Variants in DIP2C observed in about 807,000 individuals in gnomAD.
The protein encoded by DIP2C is disco-interacting protein 2 homolog C.
In DIP2C, 33 loss-of-function variants were observed where a neutral mutation model predicts 192.4. The observed-to-expected ratio is 0.17, with a 90% CI of 0.13 to 0.23. DIP2C has a LOEUF of 0.23. DIP2C is among the 10% of genes least tolerant of loss of function. The probability of loss-of-function intolerance (pLI) is 1.00; values close to 1 mark genes in which losing one functional copy is unlikely to be tolerated. For missense variants in DIP2C, 1,537 were observed against 2,110.1 expected (o/e 0.73, Z 5.32); for synonymous variants, 979 against 864.1 (o/e 1.13, Z -2.33).
Position 355,993 on chromosome 10 carries a change from T to C in DIP2C, c.2985+433A>G, listed in dbSNP as rs1397367600. ...CTACCCGGAGGCTGATGCACGAGAA[T>C]TGCTTCAACCAGGGAGGTGGAGGTT... is the stretch of plus-strand genomic sequence containing the variant. On this transcript the variant is annotated intron_variant, in intron 24 of 36. Coordinates refer to ENST00000280886, the MANE Select transcript of DIP2C (RefSeq NM_014974.3). Among the ~76,000 whole-genome samples, 7 of 152,158 alleles carry C rather than the reference T, an allele frequency of 4.6e-5. No homozygotes were observed. The East Asian group carries it at 9.6e-4, about 21-fold the overall frequency.
chr10:489,387 A>G lies in DIP2C; in HGVS notation c.86-2857T>C, dbSNP rs552578925. On this transcript the variant is annotated intron_variant, in intron 1 of 36. Transcript: ENST00000280886. ...GTGACAGGTAGATAATAGATGATGC[A>G]TATAGACAGACGACAGAGATGATGG... Among the ~76,000 whole-genome samples, 27 of 152,366 alleles carry G rather than the reference A, an allele frequency of 1.8e-4. No individual in the cohort carries two copies. In the South Asian group the frequency reaches 5.2e-3, roughly 29 times the overall value.
chr10:680,507 G>A (rs1221504232), intron 1 of DIP2C, among the ~76,000 whole-genome samples: 1 of 151,668 alleles, frequency 6.6e-6, no homozygotes, highest in Non-Finnish European at 1.5e-5. Context: ...CAAACAACCT[G>A]CTTAGGATGA....
At chr10:443,284 C>A (rs1967896573) in intron 3 of DIP2C, among the ~76,000 whole-genome samples, 1 of 152,220 alleles carries the variant, frequency 6.6e-6, no homozygotes, top group African/African-American at 2.4e-5. Context: ...TCTACATTCA[C>A]TTAAAAATAT....
chr10:430,761 G>A (rs1283353690), intron 4 of DIP2C, among the ~76,000 whole-genome samples: 1 of 152,148 alleles, frequency 6.6e-6, no homozygotes, highest in Non-Finnish European at 1.5e-5. Context: ...AAAGTCACTA[G>A]ATTTTTACCT....
intron 1 of DIP2C, among the ~76,000 whole-genome samples, chr10:683,083 C>T (rs1317754863): frequency 1.3e-5 from 2 of 152,178 alleles, no homozygotes; most frequent in Admixed American, 6.5e-5. Flanking sequence ...CAACATACCC[C>T]GCAGCCCAAA....
In DIP2C at chr10:403,932, C is replaced by T. The variant is rs1178522227; in HGVS notation, c.1150-4713G>A. On this transcript the variant is annotated intron_variant, in intron 9 of 36. Coordinates refer to ENST00000280886, the MANE Select transcript of DIP2C (RefSeq NM_014974.3). ...TCAGCACATGAATCCTGTGATTTTA[C>T]ACGTGTGGTGGCATTAGCATTACTC... Among the ~76,000 whole-genome samples the T allele has an allele frequency of 4.2e-5, 4 of 94,216 alleles. 2 individuals carry two copies. The highest frequency in any genetic ancestry group is 1.6e-4 in the African/African-American group (4 of 24,302). 61.8% of individuals were successfully genotyped at this position (94,216 alleles called of 152,430 possible). A position where few individuals can be genotyped will look rare whatever the true frequency, so the allele number is the denominator to read the frequency against.
At chr10:647,574 A>C (rs1239340329) in intron 1 of DIP2C, among the ~76,000 whole-genome samples, 6 of 150,322 alleles carry the variant, frequency 4.0e-5, no homozygotes, top group Non-Finnish European at 7.4e-5. Flanking sequence ...CCACGTCCAC[A>C]TTTGACGGTG....
intron 1 of DIP2C, among the ~76,000 whole-genome samples, chr10:628,404 C>T (rs570637056): frequency 2.0e-5 from 3 of 152,380 alleles, no homozygotes; most frequent in African/African-American, 7.2e-5. Flanking sequence ...AGCATGTTTA[C>T]AGCCATTTAC....
chr10:578,210 G>T (rs530602941), intron 1 of DIP2C, among the ~76,000 whole-genome samples: 1 of 152,038 alleles, frequency 6.6e-6, no homozygotes, highest in East Asian at 1.9e-4. Context: ...CATTTTCAAC[G>T]TTAACAAAGA....
intron 1 of DIP2C, among the ~76,000 whole-genome samples, chr10:639,943 C>T (rs964693434): frequency 3.3e-5 from 5 of 152,188 alleles, no homozygotes; most frequent in African/African-American, 9.7e-5. Context: ...GACCACGCGG[C>T]ATCTGCTGGG....
At chr10:663,256 G>T in intron 1 of DIP2C, 2 of 255,088 alleles carry the variant, frequency 7.8e-6, no homozygotes, top group Middle Eastern at 2.3e-3. Flanking sequence ...TACAAGGGAA[G>T]GCTGAGATCA....
chr10:421,900 G>A (rs964296610), intron 5 of DIP2C, among the ~76,000 whole-genome samples: 7 of 152,198 alleles, frequency 4.6e-5, no homozygotes, highest in Admixed American at 6.5e-5. Flanking sequence ...CTCAGTGAGC[G>A]ACCAAGGGGC....
intron 1 of DIP2C, among the ~76,000 whole-genome samples, chr10:550,934 G>C (rs1022651527): frequency 1.3e-5 from 2 of 152,100 alleles, no homozygotes; most frequent in African/African-American, 2.4e-5. Context: ...CCCGGGCCTC[G>C]GTCTCCCCTC....
intron 17 of DIP2C, among the ~76,000 whole-genome samples, chr10:378,983 C>T (rs1962028270): frequency 6.6e-6 from 1 of 152,232 alleles, no homozygotes; most frequent in African/African-American, 2.4e-5. Flanking sequence ...TTTTTAAAGA[C>T]TCTCAACCTC....
chr10:447,624 T>G (rs1303288291), intron 3 of DIP2C, among the ~76,000 whole-genome samples: 26 of 114,932 alleles, frequency 2.3e-4, no homozygotes, highest in African/African-American at 5.4e-4. Flanking sequence ...CATCCCTGTC[T>G]ATACTCAGGA....
At chr10:284,231 T>C (rs1954982186) in intron 34 of DIP2C, among the ~76,000 whole-genome samples, 1 of 152,170 alleles carries the variant, frequency 6.6e-6, no homozygotes. Context: ...AGTCAGAAAC[T>C]GGTTTAGTAC....
chr10:354,370 G>T (rs1958972750), intron 24 of DIP2C, among the ~76,000 whole-genome samples: 1 of 152,212 alleles, frequency 6.6e-6, no homozygotes, highest in Admixed American at 6.5e-5. Context: ...GCTGTCCACA[G>T]GGCCAGATAG....
chr10:613,759 C>T (rs1853254242), intron 1 of DIP2C, among the ~76,000 whole-genome samples: 1 of 152,168 alleles, frequency 6.6e-6, no homozygotes, highest in African/African-American at 2.4e-5. Flanking sequence ...ATTTCGCACA[C>T]CTGCTTTGGT....
intron 24 of DIP2C, among the ~76,000 whole-genome samples, chr10:350,579 T>C (rs759438624): frequency 1.5e-4 from 23 of 149,224 alleles, no homozygotes; most frequent in Admixed American, 2.7e-4. Flanking sequence ...CTGCAGTCCA[T>C]GGGGTCAGGA....
Sources: gnomAD v4.1 joint callset for allele counts (sites outside exome capture counted in the v4.1 genomes callset) on GRCh38, gnomAD v4.1.1 for gene constraint, MANE v1.5 for transcripts, NCBI Gene and HGNC (gene_info 2026-07-23, HGNC 2026-07-21) for gene names.